DSCAML1: variants seen among roughly 807,000 people sequenced by gnomAD.
The protein encoded by DSCAML1 is cell adhesion molecule DSCAML1.
Under a neutral mutation model 200.5 loss-of-function variants are expected in DSCAML1, and 38 were observed. The observed-to-expected ratio is 0.19, with a 90% CI of 0.15 to 0.25. DSCAML1 has a LOEUF of 0.25. DSCAML1 is among the 10% of genes least tolerant of loss of function. The pLI is 1.00. For synonymous variants in DSCAML1, 1,215 were observed against 1,165.0 expected, an observed-to-expected ratio of 1.04 and a Z score of -0.87; for missense variants, 2,223 against 2,858.8, an observed-to-expected ratio of 0.78 and a Z score of 5.07.
intron 1 of DSCAML1, among the ~76,000 whole-genome samples, chr11:117,807,580 G>T (rs560371292): frequency 2.0e-5 from 3 of 152,218 alleles, no homozygotes; most frequent in South Asian, 2.1e-4. Context: ...ACCCTGCAGC[G>T]TGGCTGTGAA....
rs1204831799 is a variant in DSCAML1 at position 117,780,231 on chromosome 11, G to A, written c.364+262C>T. Among the ~76,000 whole-genome samples, 103 of 60,706 alleles carry A rather than the reference G, an allele frequency of 1.7e-3. 4 individuals carry two copies. Among genetic ancestry groups the A allele is most frequent in the African/African-American group, 6.1e-3 (94 of 15,300 alleles). 39.8% of individuals were successfully genotyped at this position (60,706 alleles called of 152,430 possible). ...AAAGAGAGAGAGAGAAAGAAAGAAA[G>A]GAAAGAAAGAAAGAAAGAAAGAAAG... On this transcript the variant is annotated intron_variant, in intron 2 of 32. Transcript: ENST00000651296. The surrounding 1 kb of genome is among the most constrained non-coding windows in gnomAD (Gnocchi z 4.8).
At chr11:117,796,246 C>G (rs376476309) in intron 1 of DSCAML1, among the ~76,000 whole-genome samples, 3 of 152,244 alleles carry the variant, frequency 2.0e-5, no homozygotes, top group South Asian at 2.1e-4. Flanking sequence ...TAGCAACCCC[C>G]TCTCTCCGGG....
chr11:117,500,568 G>A (rs1021404438), intron 11 of DSCAML1, among the ~76,000 whole-genome samples: 1 of 152,144 alleles, frequency 6.6e-6, no homozygotes, highest in South Asian at 2.1e-4. Flanking sequence ...GACAGAGATT[G>A]TTGTCCTGGA....
rs1242214910 is a variant in DSCAML1 at position 117,469,469 on chromosome 11, T to A, written c.3024+441A>T. ...TGCCCTTAGAAATGGCTATAGCACA[T>A]AGTGGTCTCTTTTCTCTACAGTTTC... On this transcript the variant is annotated intron_variant, in intron 16 of 32. Transcript: ENST00000651296. The surrounding 1 kb of genome is among the most constrained non-coding windows in gnomAD (Gnocchi z 4.1). Among the ~76,000 whole-genome samples the A allele has an allele frequency of 2.6e-5, 4 of 152,186 alleles. No homozygotes were observed. The highest frequency in any genetic ancestry group is 6.5e-5 in the Admixed American group (1 of 15,284).
intron 27 of DSCAML1, among the ~76,000 whole-genome samples, chr11:117,434,899 C>G (rs956411175): frequency 6.8e-4 from 104 of 152,194 alleles, no homozygotes; most frequent in African/African-American, 2.4e-3. Flanking sequence ...CAATAGGGAG[C>G]ATTAGTCATT....
chr11:117,794,031 TG>T (rs1299270088), intron 1 of DSCAML1, among the ~76,000 whole-genome samples: 6 of 75,346 alleles, frequency 8.0e-5, no homozygotes, highest in Non-Finnish European at 1.3e-4. Flanking sequence ...ATTTCCCCAT[TG>T]CCCCCCCCCC....
rs959114296 is a variant in DSCAML1 at position 117,441,492 on chromosome 11, C to T, written c.3863-1556G>A. 5.3e-5 allele frequency among the ~76,000 whole-genome samples: 8 copies of T among 151,626 alleles called. No individual in the cohort carries two copies. In the East Asian group the frequency reaches 7.8e-4, roughly 15 times the overall value. On this transcript the variant is annotated intron_variant, in intron 21 of 32. Coordinates refer to ENST00000651296, the MANE Select transcript of DSCAML1 (RefSeq NM_020693.4). Reference sequence around the variant, plus strand: ...GACGGGAGTGTCCCAAGGGTGGTGGCGGAGGACTGGGTCAGCAGCATCACA... The same window carrying T: ...GACGGGAGTGTCCCAAGGGTGGTGGTGGAGGACTGGGTCAGCAGCATCACA...
At chr11:117,714,340 G>A (rs1349939509) in intron 3 of DSCAML1, among the ~76,000 whole-genome samples, 1 of 152,150 alleles carries the variant, frequency 6.6e-6, no homozygotes, top group African/African-American at 2.4e-5. Flanking sequence ...ATTTATTAGA[G>A]CCCTCTAAGT....
Position 117,465,147 on chromosome 11 carries a change from C to T in DSCAML1, c.3060G>A (p.Arg1020=). 1 of 1,614,030 alleles carries T rather than the reference C, an allele frequency of 6.2e-7. No individual in the cohort carries two copies. Among genetic ancestry groups the T allele is most frequent in the Non-Finnish European group, 8.5e-7 (1 of 1,180,000 alleles). ...PKKELQNGVI[R]GYQIGYRENS... ...TCTCTCTGTAGCCAATCTGGTAGCCCCGGATGACACCGTTCTGCAGCTCCT... is the reference window on the plus strand; with the variant it reads ...TCTCTCTGTAGCCAATCTGGTAGCCTCGGATGACACCGTTCTGCAGCTCCT... The change falls in exon 17 of 33, where the codon CGG becomes CGA. Residue 1020 remains arginine (R), a synonymous_variant. Transcript: ENST00000651296.
At chr11:117,658,038 C>A (rs908862188) in intron 3 of DSCAML1, among the ~76,000 whole-genome samples, 2 of 152,136 alleles carry the variant, frequency 1.3e-5, no homozygotes, top group African/African-American at 4.8e-5. Flanking sequence ...CACCAAGGCA[C>A]AATGAGATGA....
chr11:117,699,461 G>A (rs1394302083), intron 3 of DSCAML1, among the ~76,000 whole-genome samples: 5 of 152,184 alleles, frequency 3.3e-5, no homozygotes, highest in East Asian at 3.8e-4. Flanking sequence ...ACGGAGAGAC[G>A]GCAAAGTCCG....
intron 2 of DSCAML1, among the ~76,000 whole-genome samples, chr11:117,779,753 T>C (rs1032908582): frequency 6.6e-6 from 1 of 152,204 alleles, no homozygotes; most frequent in Non-Finnish European, 1.5e-5. Flanking sequence ...AGAATAGTGG[T>C]GGCTCTTAGG....
chr11:117,811,617 C>T (rs186292996), intron 1 of DSCAML1, among the ~76,000 whole-genome samples: 4,359 of 152,306 alleles, frequency 0.029, 86 homozygotes, highest in Middle Eastern at 0.061. Flanking sequence ...CCTCCTAAGC[C>T]GTGTCCCATC....
intron 11 of DSCAML1, among the ~76,000 whole-genome samples, chr11:117,486,113 C>G (rs1411964023): frequency 6.6e-6 from 1 of 152,192 alleles, no homozygotes; most frequent in Non-Finnish European, 1.5e-5. Flanking sequence ...GGAAAAGGCT[C>G]AAAGAAAAAA....
rs191335623 is a variant in DSCAML1, at chr11:117,635,129, G to C, written c.512-102607C>G. Among the ~76,000 whole-genome samples the C allele has an allele frequency of 2.0e-5, 3 of 152,352 alleles. No individual in the cohort carries two copies. The East Asian group carries it at 5.8e-4, about 29-fold the overall frequency. On this transcript the variant is annotated intron_variant, in intron 3 of 32. Transcript: ENST00000651296. ...CCTGAGGTGGCTGGAAGCACAGGCTGCTCTCAAATGCATAACCCCAATATT... is the reference window on the plus strand; with the variant it reads ...CCTGAGGTGGCTGGAAGCACAGGCTCCTCTCAAATGCATAACCCCAATATT...
At chr11:117,685,639 T>TTG (rs1377477142) in intron 3 of DSCAML1, among the ~76,000 whole-genome samples, 1 of 152,206 alleles carries the variant, frequency 6.6e-6, no homozygotes, top group Non-Finnish European at 1.5e-5. Flanking sequence ...CCTGGAGCTG[T>TTG]TGTGAGCTCT....
intron 6 of DSCAML1, among the ~76,000 whole-genome samples, chr11:117,519,405 T>C (rs532213014): frequency 6.6e-6 from 1 of 152,298 alleles, no homozygotes; most frequent in African/African-American, 2.4e-5. Flanking sequence ...CAGAATAACC[T>C]TGGACAAGAC....
chr11:117,481,261 C>T lies in DSCAML1; in HGVS notation c.2569G>A (p.Ala857Thr), dbSNP rs199597664. ...AAGAACACAGAGTCCCCACGGTCAG[C>T]GGGCTTGAGCTGGGAGACCACCAGC... ...EVVSTLKLKPADRGDSVFFSC... is the reference protein window; with the variant it reads ...EVVSTLKLKPTDRGDSVFFSC... Residue 857 changes from alanine (A) to threonine (T), a missense_variant, in exon 13 of 33, where the codon GCT becomes ACT. Ala to Thr is a moderately conservative substitution (Grantham distance 58, BLOSUM62 0). Around this residue, in one of 7 missense-constraint regions of DSCAML1, gnomAD observed 438 missense variants for 629.7 expected, o/e 0.70. Transcript: ENST00000651296. The T allele has an allele frequency of 8.1e-6, 13 of 1,613,606 alleles. No individual in the cohort carries two copies. The highest frequency in any genetic ancestry group is 1.7e-4 in the Middle Eastern group (1 of 6,060).
intron 13 of DSCAML1, 92 bp downstream of exon 13, chr11:117,481,082 A>G: frequency 8.2e-7 from 1 of 1,223,864 alleles, no homozygotes; most frequent in Non-Finnish European, 1.2e-6. Flanking sequence ...ACCATGGCGT[A>G]GGCTGTGGCC....
Sources: gnomAD v4.1 joint callset for allele counts (sites outside exome capture counted in the v4.1 genomes callset) on GRCh38, gnomAD v4.1.1 for gene constraint, gnomAD v4.1.1 regional missense constraint, Gnocchi (gnomAD v3.1) non-coding constraint, MANE v1.5 for transcripts, NCBI Gene and HGNC (gene_info 2026-07-23, HGNC 2026-07-21) for gene names.